RNF220: variants seen among roughly 807,000 people sequenced by gnomAD.
RNF220 encodes E3 ubiquitin-protein ligase RNF220.
In RNF220, 7 loss-of-function variants were observed where a neutral mutation model predicts 67.1. The ratio of observed to expected loss-of-function variants is 0.10; its 90% confidence interval spans 0.06 to 0.20. RNF220 has a LOEUF of 0.20. Ranked by LOEUF, RNF220 falls within the 10% of genes least tolerant of loss-of-function variation. The pLI, the probability that RNF220 is intolerant of heterozygous loss-of-function variation, is 1.00. For missense variants in RNF220, 565 were observed against 740.3 expected (o/e 0.76, Z 2.75); for synonymous variants, 270 against 283.2 (o/e 0.95, Z 0.47).
intron 2 of RNF220, among the ~76,000 whole-genome samples, chr1:44,478,581 G>A (rs573372758): frequency 1.0e-3 from 158 of 152,184 alleles, no homozygotes; most frequent in South Asian, 7.5e-3. Flanking sequence ...AATTAGCTGG[G>A]CGTGGTGGCA....
intron 2 of RNF220, among the ~76,000 whole-genome samples, chr1:44,524,720 A>G (rs1157697404): frequency 1.3e-5 from 2 of 152,158 alleles, no homozygotes; most frequent in Non-Finnish European, 2.9e-5. Context: ...TTCAGGACCT[A>G]AACGCTGAAT....
At chr1:44,627,249 G>A (rs1373761713) in intron 5 of RNF220, among the ~76,000 whole-genome samples, 1 of 148,578 alleles carries the variant, frequency 6.7e-6, no homozygotes, top group Non-Finnish European at 1.5e-5. Context: ...GGAGGCTGAG[G>A]CAGGAGAATC....
At chr1:44,579,008 A>C (rs569650300) in intron 2 of RNF220, among the ~76,000 whole-genome samples, 2 of 152,152 alleles carry the variant, frequency 1.3e-5, no homozygotes, top group Admixed American at 1.3e-4. Flanking sequence ...TACTAAAAAT[A>C]CAAAAAAATT....
intron 2 of RNF220, among the ~76,000 whole-genome samples, chr1:44,599,652 T>A (rs554905028): frequency 2.8e-4 from 42 of 152,134 alleles, no homozygotes; most frequent in Middle Eastern, 6.8e-3. Flanking sequence ...TGAGACCCAG[T>A]CTCAAAATAA....
chr1:44,619,612 C>T (rs568469410), intron 3 of RNF220, among the ~76,000 whole-genome samples: 17 of 152,260 alleles, frequency 1.1e-4, no homozygotes, highest in Non-Finnish European at 1.9e-4. Flanking sequence ...CTTAGGAATG[C>T]GTTTCCTGGG....
chr1:44,553,609 A>G (rs1662846090), intron 2 of RNF220, among the ~76,000 whole-genome samples: 2 of 152,188 alleles, frequency 1.3e-5, no homozygotes, highest in Admixed American at 6.5e-5. Flanking sequence ...TCTGCCCATC[A>G]ACAGGAGGAG....
chr1:44,550,222 G>A (rs1572852737), intron 2 of RNF220, among the ~76,000 whole-genome samples: 1 of 152,212 alleles, frequency 6.6e-6, no homozygotes, highest in Non-Finnish European at 1.5e-5. Flanking sequence ...GAGGGCCAGG[G>A]GCTTTTGGAG....
chr1:44,483,307 G>A (rs1009709560), intron 2 of RNF220, among the ~76,000 whole-genome samples: 9 of 152,114 alleles, frequency 5.9e-5, no homozygotes, highest in African/African-American at 2.2e-4. Flanking sequence ...GTTCTACCTT[G>A]CTCAATGTCA....
At chr1:44,526,968 C>T (rs1317327723) in intron 2 of RNF220, among the ~76,000 whole-genome samples, 2 of 151,990 alleles carry the variant, frequency 1.3e-5, no homozygotes, top group African/African-American at 4.8e-5. Context: ...ATTCTCCTTC[C>T]CCAGCTTCTG....
chr1:44,511,340 G>A (rs949732164), intron 2 of RNF220, among the ~76,000 whole-genome samples: 1 of 152,148 alleles, frequency 6.6e-6, no homozygotes, highest in African/African-American at 2.4e-5. Flanking sequence ...TTTCACTAGC[G>A]AAGGGTTAAA....
intron 2 of RNF220, among the ~76,000 whole-genome samples, chr1:44,517,203 C>T (rs1659521234): frequency 6.6e-6 from 1 of 152,176 alleles, no homozygotes; most frequent in Non-Finnish European, 1.5e-5. Flanking sequence ...ACTTCCCATT[C>T]TAGCCTCTCC....
chr1:44,536,506 G>T (rs1661232347), intron 2 of RNF220, among the ~76,000 whole-genome samples: 1 of 152,190 alleles, frequency 6.6e-6, no homozygotes, highest in African/African-American at 2.4e-5. Flanking sequence ...AGCAGGCTGT[G>T]GGCCCTGTGT....
At chr1:44,508,026 G>A (rs1557994333) in intron 2 of RNF220, among the ~76,000 whole-genome samples, 1 of 152,156 alleles carries the variant, frequency 6.6e-6, no homozygotes, top group Non-Finnish European at 1.5e-5. Context: ...ATCCACTGGA[G>A]CTGAAAAATT....
chr1:44,614,719 A>G (rs1304138338), intron 3 of RNF220, among the ~76,000 whole-genome samples: 3 of 152,138 alleles, frequency 2.0e-5, no homozygotes, highest in Non-Finnish European at 4.4e-5. Context: ...AGTGTCTGAA[A>G]GATGACAATC....
At chr1:44,508,016 A>T (rs1203983341) in intron 2 of RNF220, among the ~76,000 whole-genome samples, 5 of 152,020 alleles carry the variant, frequency 3.3e-5, no homozygotes, top group African/African-American at 1.2e-4. Context: ...CTGGGGTAGG[A>T]TCCACTGGAG....
rs1643774057 is a variant in RNF220, at chr1:44,621,081, A to G, written c.759-1661A>G. Among the ~76,000 whole-genome samples, 1 of 151,984 alleles carries G rather than the reference A, an allele frequency of 6.6e-6. No homozygotes were observed. The highest frequency in any genetic ancestry group is 2.4e-5 in the African/African-American group (1 of 41,380). On this transcript the variant is annotated intron_variant, in intron 3 of 14. Transcript: ENST00000361799. This position sits in a 1 kb window ranked among gnomAD's most constrained non-coding sequence, Gnocchi z 4.8. ...CAGGCGCCTGCCACCACGCCCAGCT[A>G]ATTTTTGTATTTTTAGTAGAGACGG... is the stretch of plus-strand genomic sequence containing the variant.
intron 2 of RNF220, among the ~76,000 whole-genome samples, chr1:44,465,466 C>G (rs1005386873): frequency 6.7e-6 from 1 of 149,948 alleles, no homozygotes; most frequent in Non-Finnish European, 1.5e-5. Flanking sequence ...GGTGGACCCT[C>G]GCTATGTTTC....
chr1:44,450,250 C>G (rs921745690), intron 2 of RNF220, among the ~76,000 whole-genome samples: 1 of 151,884 alleles, frequency 6.6e-6, no homozygotes, highest in Non-Finnish European at 1.5e-5. Flanking sequence ...GTCCTCTTTT[C>G]AAAACCAGTG....
intron 2 of RNF220, among the ~76,000 whole-genome samples, chr1:44,578,629 C>T (rs534442835): frequency 6.6e-6 from 1 of 152,254 alleles, no homozygotes; most frequent in African/African-American, 2.4e-5. Context: ...CTGCACTTGT[C>T]AGGTAGCGGT....
Sources: gnomAD v4.1 joint callset for allele counts (sites outside exome capture counted in the v4.1 genomes callset) on GRCh38, gnomAD v4.1.1 for gene constraint, Gnocchi (gnomAD v3.1) non-coding constraint, MANE v1.5 for transcripts, NCBI Gene and HGNC (gene_info 2026-07-23, HGNC 2026-07-21) for gene names.